Variants in CNBD1 observed in about 807,000 individuals in gnomAD.
The protein encoded by CNBD1 is cyclic nucleotide-binding domain-containing protein 1.
CNBD1 carries 71 observed loss-of-function variants against 54.4 expected under a neutral mutation model. The ratio of observed to expected loss-of-function variants is 1.30; its 90% CI spans 1.08 to 1.59. CNBD1 has a LOEUF of 1.59. Ranked by LOEUF, CNBD1 falls within the 40% of genes most tolerant of loss-of-function variation. CNBD1 has a pLI of 0.00. For missense variants in CNBD1, 659 were observed against 518.0 expected, an observed-to-expected ratio of 1.27 and a Z score of -2.64; for synonymous variants, 182 against 170.7, an observed-to-expected ratio of 1.07 and a Z score of -0.51.
intron 4 of CNBD1, among the ~76,000 whole-genome samples, chr8:87,150,981 C>T (rs530977788): frequency 1.8e-4 from 27 of 152,258 alleles, no homozygotes; most frequent in Middle Eastern, 6.8e-3. Flanking sequence ...AGGTCGGGGC[C>T]TATCTTCAGG....
At chr8:87,391,214 A>C (rs1453894409) in intron 2 of CNBD1, among the ~76,000 whole-genome samples, 2 of 152,150 alleles carry the variant, frequency 1.3e-5, no homozygotes, top group East Asian at 3.9e-4. Flanking sequence ...CACGTTGTGC[A>C]CATGTACCCT....
At chr8:87,031,429 C>A (rs985008973) in intron 4 of CNBD1, among the ~76,000 whole-genome samples, 2 of 152,094 alleles carry the variant, frequency 1.3e-5, no homozygotes, top group African/African-American at 4.8e-5. Flanking sequence ...TATCATGCCT[C>A]CTTATCAGTA....
At chr8:87,224,324 A>C (rs867197599) in intron 5 of CNBD1, among the ~76,000 whole-genome samples, 1 of 150,450 alleles carries the variant, frequency 6.6e-6, no homozygotes, top group African/African-American at 2.5e-5. Context: ...GCCCATGCCT[A>C]TGTCCTGAAT....
intron 1 of CNBD1, among the ~76,000 whole-genome samples, chr8:86,872,592 C>G (rs1808457171): frequency 6.6e-6 from 1 of 152,124 alleles, no homozygotes; most frequent in African/African-American, 2.4e-5. Context: ...CTCTCTAACA[C>G]TTATCTTTAG....
chr8:87,382,660 G>T lies in CNBD1; in HGVS notation c.*33G>T. On this transcript the variant is annotated 3_prime_UTR_variant, in exon 11 of 11. Transcript: ENST00000518476. ...AACAACCTCAGTGAACATTAATTAAGAAAGTATTGACTAAATAATGGAATA... is the reference window on the plus strand; with the variant it reads ...AACAACCTCAGTGAACATTAATTAATAAAGTATTGACTAAATAATGGAATA... 2 of 1,469,114 alleles carry T rather than the reference G, an allele frequency of 1.4e-6. No homozygotes were observed. Among genetic ancestry groups the T allele is most frequent in the Non-Finnish European group, 1.9e-6 (2 of 1,076,616 alleles). 91.0% of individuals were successfully genotyped at this position (1,469,114 alleles called of 1,614,324 possible).
At chr8:87,183,476 C>T (rs1563498818) in intron 4 of CNBD1, among the ~76,000 whole-genome samples, 2 of 148,876 alleles carry the variant, frequency 1.3e-5, no homozygotes, top group Admixed American at 6.7e-5. Flanking sequence ...TTTCAGACTC[C>T]TCTTGTATCT....
intron 8 of CNBD1, among the ~76,000 whole-genome samples, chr8:87,301,003 A>G (rs1808976803): frequency 6.6e-6 from 1 of 152,262 alleles, no homozygotes; most frequent in Non-Finnish European, 1.5e-5. Flanking sequence ...CCACTAAGAA[A>G]CAAAACAGGA....
At chr8:86,892,539 T>G (rs1308902765) in intron 2 of CNBD1, among the ~76,000 whole-genome samples, 1 of 152,050 alleles carries the variant, frequency 6.6e-6, no homozygotes, top group African/African-American at 2.4e-5. Flanking sequence ...TTTCCCTCAT[T>G]TGCTCAAAAT....
At chr8:87,301,899 A>T (rs28804163) in intron 8 of CNBD1, among the ~76,000 whole-genome samples, 57,487 of 151,998 alleles carry the variant, frequency 0.38, 11,130 homozygotes, top group Middle Eastern at 0.45. Context: ...AGAAATGGAT[A>T]AATTCCTCGA....
chr8:87,054,056 C>T (rs1810364569), intron 4 of CNBD1, among the ~76,000 whole-genome samples: 1 of 152,222 alleles, frequency 6.6e-6, no homozygotes. Context: ...CTGTCAAAGA[C>T]ATAGTTTCTC....
At chr8:87,204,804 G>A (rs1440507830) in intron 4 of CNBD1, among the ~76,000 whole-genome samples, 1 of 152,064 alleles carries the variant, frequency 6.6e-6, no homozygotes, top group Non-Finnish European at 1.5e-5. Context: ...TAAGTCAATG[G>A]CACATATTTT....
chr8:86,988,673 C>T (rs1362204275), intron 4 of CNBD1, among the ~76,000 whole-genome samples: 1 of 151,952 alleles, frequency 6.6e-6, no homozygotes, highest in Non-Finnish European at 1.5e-5. Context: ...CATCCCACAT[C>T]CCCCCCTTTC....
chr8:87,097,542 C>T (rs1355938697), intron 4 of CNBD1, among the ~76,000 whole-genome samples: 3 of 152,196 alleles, frequency 2.0e-5, no homozygotes, highest in African/African-American at 7.2e-5. Flanking sequence ...ATAGCCTTCA[C>T]AGTGGGGCAG....
chr8:87,399,694 C>A (rs1047761622), intron 2 of CNBD1, among the ~76,000 whole-genome samples: 1 of 151,946 alleles, frequency 6.6e-6, no homozygotes, highest in Non-Finnish European at 1.5e-5. Flanking sequence ...CCTAAGGCAT[C>A]CCTGACCAGT....
At chr8:86,994,697 A>AG (rs1808830383) in intron 4 of CNBD1, among the ~76,000 whole-genome samples, 1 of 151,778 alleles carries the variant, frequency 6.6e-6, no homozygotes, top group African/African-American at 2.4e-5. Context: ...GTACCCCAGC[A>AG]GGGTCCCCAG....
At chr8:87,238,397 A>G (rs1357485666) in intron 6 of CNBD1, among the ~76,000 whole-genome samples, 2 of 152,084 alleles carry the variant, frequency 1.3e-5, no homozygotes. Context: ...GGACCCAGTG[A>G]AGCCACTGGG....
At chr8:87,419,954 T>TTA (rs1380013201) in intron 2 of CNBD1, among the ~76,000 whole-genome samples, 16 of 148,286 alleles carry the variant, frequency 1.1e-4, no homozygotes, top group Middle Eastern at 7.1e-3. Context: ...AAAATATATA[T>TTA]TATATATATA....
intron 4 of CNBD1, among the ~76,000 whole-genome samples, chr8:86,973,723 C>G (rs1013228435): frequency 2.0e-5 from 3 of 152,118 alleles, no homozygotes; most frequent in Admixed American, 6.6e-5. Context: ...AGGTGGAATT[C>G]CACAGAGCTT....
At chr8:87,224,314 G>A (rs1367031104) in intron 5 of CNBD1, among the ~76,000 whole-genome samples, 1 of 150,178 alleles carries the variant, frequency 6.7e-6, no homozygotes, top group African/African-American at 2.5e-5. Flanking sequence ...TGAAGTCCTT[G>A]CCCATGCCTA....
Sources: allele counts gnomAD v4.1 joint callset (sites outside exome capture counted in the v4.1 genomes callset), GRCh38; gene constraint gnomAD v4.1.1; transcripts MANE v1.5; gene names NCBI Gene and HGNC (gene_info 2026-07-23, HGNC 2026-07-21).